Variants in COMMD10 observed in about 807,000 individuals in gnomAD.
COMMD10 encodes the protein COMM domain containing 10.
A neutral mutation model predicts 28.9 loss-of-function variants in COMMD10; 33 were observed. The ratio of observed to expected loss-of-function variants is 1.14; its 90% CI spans 0.87 to 1.53. The LOEUF (loss-of-function observed/expected upper bound fraction) is 1.53. Among genes scored for constraint, COMMD10 ranks in the 40% most tolerant of loss-of-function variants. The probability of loss-of-function intolerance (pLI) is 0.00; values close to 1 mark genes in which losing one functional copy is unlikely to be tolerated. For synonymous variants in COMMD10, 110 were observed against 81.7 expected (o/e 1.35, Z -1.87); for missense variants, 310 against 233.4 (o/e 1.33, Z -2.14).
At chr5:116,116,232 C>T (rs1376079899) in intron 4 of COMMD10, among the ~76,000 whole-genome samples, 1 of 152,046 alleles carries the variant, frequency 6.6e-6, no homozygotes, top group Non-Finnish European at 1.5e-5. Context: ...CTAGTTGTTT[C>T]ATTAATTATT....
chr5:116,284,658 A>G (rs1286703087), intron 5 of COMMD10, among the ~76,000 whole-genome samples: 1 of 151,908 alleles, frequency 6.6e-6, no homozygotes, highest in Admixed American at 6.6e-5. Flanking sequence ...TACTTTAACC[A>G]GGAGTTTCTA....
At chr5:116,238,495 C>A (rs943579814) in intron 5 of COMMD10, among the ~76,000 whole-genome samples, 4 of 152,152 alleles carry the variant, frequency 2.6e-5, no homozygotes, top group Non-Finnish European at 4.4e-5. Flanking sequence ...AGCTTAAATT[C>A]CCATTAAGTT....
chr5:116,154,962 G>C (rs1443347783), intron 5 of COMMD10, among the ~76,000 whole-genome samples: 3 of 152,046 alleles, frequency 2.0e-5, no homozygotes, highest in African/African-American at 4.8e-5. Context: ...ATAAGTCCAT[G>C]ATAGCTATGC....
At chr5:116,148,215 G>A (rs1216795718) in intron 5 of COMMD10, among the ~76,000 whole-genome samples, 1 of 151,756 alleles carries the variant, frequency 6.6e-6, no homozygotes, top group Non-Finnish European at 1.5e-5. Context: ...GATTTTTATT[G>A]CTGAGAGACT....
At chr5:116,219,277 C>A (rs866130285) in intron 5 of COMMD10, among the ~76,000 whole-genome samples, 1 of 152,138 alleles carries the variant, frequency 6.6e-6, no homozygotes, top group African/African-American at 2.4e-5. Flanking sequence ...CAAACCGATA[C>A]ATACAGTTTT....
At chr5:116,146,923 C>G (rs1345907502) in intron 5 of COMMD10, among the ~76,000 whole-genome samples, 1 of 151,724 alleles carries the variant, frequency 6.6e-6, no homozygotes, top group Non-Finnish European at 1.5e-5. Context: ...GTCCTTAATA[C>G]TTATGATCCA....
intron 2 of COMMD10, among the ~76,000 whole-genome samples, chr5:116,089,950 C>T (rs1403627374): frequency 6.6e-6 from 1 of 152,158 alleles, no homozygotes. Context: ...ATCCCGACTC[C>T]ATCGAGTTGG....
At chr5:116,214,942 C>A (rs558023172) in intron 5 of COMMD10, among the ~76,000 whole-genome samples, 1 of 152,178 alleles carries the variant, frequency 6.6e-6, no homozygotes, top group African/African-American at 2.4e-5. Flanking sequence ...TTATTAGTCA[C>A]AAATTATGGG....
intron 5 of COMMD10, among the ~76,000 whole-genome samples, chr5:116,147,038 A>G (rs1218796643): frequency 6.6e-6 from 1 of 151,834 alleles, no homozygotes; most frequent in Non-Finnish European, 1.5e-5. Flanking sequence ...TTATTTGGAA[A>G]TGTGGCCATC....
intron 2 of COMMD10, among the ~76,000 whole-genome samples, chr5:116,089,618 T>A (rs1750231783): frequency 6.6e-6 from 1 of 152,210 alleles, no homozygotes; most frequent in Non-Finnish European, 1.5e-5. Flanking sequence ...TTAGTATCTA[T>A]CTTAGAGTTA....
At chr5:116,219,062 T>A (rs938900034) in intron 5 of COMMD10, among the ~76,000 whole-genome samples, 7 of 152,110 alleles carry the variant, frequency 4.6e-5, no homozygotes, top group African/African-American at 1.7e-4. Context: ...GTGTCTGCTT[T>A]AATAGAGAAA....
intron 5 of COMMD10, among the ~76,000 whole-genome samples, chr5:116,284,594 G>A (rs1436526512): frequency 1.3e-5 from 2 of 151,810 alleles, no homozygotes; most frequent in Non-Finnish European, 1.5e-5. Flanking sequence ...GACAGTGGTA[G>A]GCAGGAAGCA....
rs141037911 is a variant in COMMD10 at position 116,219,435 on chromosome 5, C to T, written c.511-72082C>T. Among the ~76,000 whole-genome samples the T allele has an allele frequency of 4.0e-4, 61 of 152,160 alleles. 1 individual carries two copies. The East Asian group carries it at 0.011, about 28-fold the overall frequency. On this transcript the variant is annotated intron_variant, in intron 5 of 6. Coordinates refer to ENST00000274458, the MANE Select transcript of COMMD10 (RefSeq NM_016144.4). ...AGATTGGGAGACTATCCCGGGTTAT[C>T]TAGGTAGGCCATAAGCACAATAATA...
intron 4 of COMMD10, among the ~76,000 whole-genome samples, chr5:116,119,017 T>G (rs142758600): frequency 2.5e-3 from 388 of 152,324 alleles, no homozygotes; most frequent in Non-Finnish European, 4.4e-3. Context: ...TTTTTCAGAG[T>G]GTTGCCAATT....
intron 5 of COMMD10, among the ~76,000 whole-genome samples, chr5:116,276,772 T>C (rs959693615): frequency 1.3e-5 from 2 of 151,780 alleles, no homozygotes; most frequent in Admixed American, 1.3e-4. Context: ...AGACCACATA[T>C]ATGATCCCAT....
chr5:116,226,931 A>T (rs1348753625), intron 5 of COMMD10, among the ~76,000 whole-genome samples: 1 of 152,040 alleles, frequency 6.6e-6, no homozygotes. Flanking sequence ...TCTTTTTCAG[A>T]CGTTCTCCCA....
intron 4 of COMMD10, 97 bp from the exon 5 acceptor site, chr5:116,133,971 T>C (rs17138918): frequency 0.046 from 33,385 of 725,792 alleles, 1,754 homozygotes; most frequent in African/African-American, 0.22. Flanking sequence ...AAGCCTAGGC[T>C]ATCCATATAC....
chr5:116,262,262 T>C (rs1750467299), intron 5 of COMMD10, among the ~76,000 whole-genome samples: 1 of 151,712 alleles, frequency 6.6e-6, no homozygotes, highest in South Asian at 2.1e-4. Flanking sequence ...TCTACATCCC[T>C]CAAAACTGCT....
intron 5 of COMMD10, among the ~76,000 whole-genome samples, chr5:116,150,355 C>T (rs1230952403): frequency 3.9e-5 from 6 of 152,008 alleles, no homozygotes; most frequent in Admixed American, 2.6e-4. Flanking sequence ...TTTTTGGTTC[C>T]ATATGAACTT....
Sources: allele counts gnomAD v4.1 joint callset (sites outside exome capture counted in the v4.1 genomes callset), GRCh38; gene constraint gnomAD v4.1.1; transcripts MANE v1.5; gene names NCBI Gene and HGNC (gene_info 2026-07-23, HGNC 2026-07-21).